ABLIM1: variants seen among roughly 807,000 people sequenced by gnomAD.
The protein encoded by ABLIM1 is actin-binding LIM protein 1.
ABLIM1 carries 40 observed loss-of-function variants against 107.0 expected under a neutral mutation model. The ratio of observed to expected loss-of-function variants is 0.37; its 90% CI spans 0.29 to 0.49. The LOEUF (loss-of-function observed/expected upper bound fraction) is 0.49. Among genes scored for constraint, ABLIM1 ranks in the 20% least tolerant of loss-of-function variants. ABLIM1 has a pLI of 0.97. For synonymous variants in ABLIM1, 357 were observed against 357.3 expected, an observed-to-expected ratio of 1.00 and a Z score of 0.01; for missense variants, 857 against 1,008.5, an observed-to-expected ratio of 0.85 and a Z score of 2.04.
intron 1 of ABLIM1, among the ~76,000 whole-genome samples, chr10:114,733,069 G>A (rs2082109071): frequency 6.6e-6 from 1 of 152,152 alleles, no homozygotes; most frequent in Non-Finnish European, 1.5e-5. Context: ...ATGTTGTGGA[G>A]AGCCATGAGT....
the ABLIM1 span, among the ~76,000 whole-genome samples, chr10:114,792,441 T>A: frequency 2.0e-5 from 3 of 152,222 alleles, no homozygotes; most frequent in African/African-American, 7.2e-5. Context: ...TAGGCCCACT[T>A]AGCAAGATAC....
Position 114,488,009 on chromosome 10 carries a change from G to A in ABLIM1, c.990C>T (p.Thr330=), listed in dbSNP as rs756606860. The change falls in exon 8 of 23, where the codon ACC becomes ACT. Residue 330 remains threonine (T), a synonymous_variant. Coordinates refer to ENST00000533213, the MANE Select transcript of ABLIM1 (RefSeq NM_002313.7). ...EGEEMYLQGS[T]VWHPDCKQST... is the part of the protein sequence containing the mutation. ...ATTGCTTACAGTCGGGATGCCAAAC[G>A]GTGGAGCCTGAGAAGACAGAATGCA... 6.8e-6 allele frequency: 11 copies of A among 1,613,974 alleles called. No homozygotes were observed. Among genetic ancestry groups the A allele is most frequent in the Admixed American group, 5.0e-5 (3 of 60,004 alleles).
chr10:114,544,138 G>C (rs534328138), intron 6 of ABLIM1, among the ~76,000 whole-genome samples: 1 of 152,214 alleles, frequency 6.6e-6, no homozygotes, highest in Non-Finnish European at 1.5e-5. Context: ...ACATGGCTCC[G>C]TGGATTTAGC....
At chr10:114,620,930 C>T (rs1183251740) in intron 1 of ABLIM1, among the ~76,000 whole-genome samples, 2 of 152,160 alleles carry the variant, frequency 1.3e-5, no homozygotes, top group Non-Finnish European at 2.9e-5. Flanking sequence ...ACTCAGGTCA[C>T]CTGCCTGATT....
intron 1 of ABLIM1, among the ~76,000 whole-genome samples, chr10:114,762,479 T>C (rs2082770319): frequency 6.6e-6 from 1 of 152,270 alleles, no homozygotes; most frequent in Non-Finnish European, 1.5e-5. Context: ...TAAAAATCTA[T>C]GTCCCTGACT....
intron 6 of ABLIM1, among the ~76,000 whole-genome samples, chr10:114,536,556 T>C (rs1333150154): frequency 6.6e-6 from 1 of 152,188 alleles, no homozygotes; most frequent in Non-Finnish European, 1.5e-5. Context: ...CCCTGACTTT[T>C]TGTTCACATA....
chr10:114,538,964 C>T (rs1424082937), intron 6 of ABLIM1, among the ~76,000 whole-genome samples: 1 of 152,250 alleles, frequency 6.6e-6, no homozygotes, highest in Non-Finnish European at 1.5e-5. Flanking sequence ...ACACATGGGA[C>T]AAAACCTTTT....
At chr10:114,451,586 T>G (rs182327654) in intron 14 of ABLIM1, 38 bp downstream of exon 14, 1 of 1,581,926 alleles carries the variant, frequency 6.3e-7, no homozygotes, top group Non-Finnish European at 8.7e-7. Context: ...CAGCTGACTT[T>G]GCTATTTAAA....
At chr10:114,764,445 G>A (rs910572372) in intron 1 of ABLIM1, among the ~76,000 whole-genome samples, 4 of 152,114 alleles carry the variant, frequency 2.6e-5, no homozygotes, top group African/African-American at 7.2e-5. Flanking sequence ...CAATATCAGC[G>A]ATTCTCATGC....
upstream of ABLIM1, among the ~76,000 whole-genome samples, chr10:114,768,740 G>C (rs2082965524): frequency 6.6e-6 from 1 of 152,018 alleles, no homozygotes; most frequent in African/African-American, 2.4e-5. Flanking sequence ...CCCAGCACCC[G>C]GTCTTGAGCC....
intron 7 of ABLIM1, among the ~76,000 whole-genome samples, chr10:114,489,153 G>T (rs906203304): frequency 3.3e-5 from 5 of 152,090 alleles, no homozygotes; most frequent in African/African-American, 1.2e-4. Flanking sequence ...AAGTAGCTGG[G>T]GTTACAGGCA....
chr10:114,506,169 C>T (rs2061108437), intron 6 of ABLIM1, among the ~76,000 whole-genome samples: 1 of 152,192 alleles, frequency 6.6e-6, no homozygotes, highest in Admixed American at 6.5e-5. Flanking sequence ...CAGCAGCATC[C>T]ATGTTGTTGC....
intron 19 of ABLIM1, 76 bp downstream of exon 19, chr10:114,440,941 C>T: frequency 1.5e-6 from 2 of 1,357,148 alleles, no homozygotes; most frequent in Non-Finnish European, 2.1e-6. Flanking sequence ...TGAACACAGC[C>T]AGTATACTTG....
chr10:114,761,714 A>C (rs2082750818), intron 1 of ABLIM1, among the ~76,000 whole-genome samples: 1 of 152,032 alleles, frequency 6.6e-6, no homozygotes, highest in Non-Finnish European at 1.5e-5. Context: ...AACTCCACTG[A>C]GATCTGGTTC....
At chr10:114,671,438 T>A (rs1473915975) in intron 1 of ABLIM1, among the ~76,000 whole-genome samples, 2 of 152,240 alleles carry the variant, frequency 1.3e-5, no homozygotes, top group Non-Finnish European at 2.9e-5. Flanking sequence ...ATGCTATAGA[T>A]GTATAGTGTA....
chr10:114,797,874 T>C, the ABLIM1 span, among the ~76,000 whole-genome samples: 190 of 152,354 alleles, frequency 1.2e-3, no homozygotes, highest in African/African-American at 4.5e-3. Context: ...CCTGGTATTA[T>C]GAAGTTATCT....
At chr10:114,722,577 C>A (rs2081872019) in intron 1 of ABLIM1, among the ~76,000 whole-genome samples, 1 of 152,250 alleles carries the variant, frequency 6.6e-6, no homozygotes, top group Non-Finnish European at 1.5e-5. Flanking sequence ...GTTTCCATTT[C>A]ATATTTACAT....
chr10:114,696,926 T>C (rs999527937), intron 1 of ABLIM1, among the ~76,000 whole-genome samples: 7 of 152,150 alleles, frequency 4.6e-5, no homozygotes, highest in Non-Finnish European at 7.3e-5. Context: ...GGCTGCAACA[T>C]AGAAATTTGG....
intron 6 of ABLIM1, among the ~76,000 whole-genome samples, chr10:114,503,147 G>T (rs2060652588): frequency 6.6e-6 from 1 of 152,104 alleles, no homozygotes; most frequent in Admixed American, 6.6e-5. Flanking sequence ...ATGGGCATTT[G>T]GGTAACTTAA....
Sources: gnomAD v4.1 joint callset for allele counts (sites outside exome capture counted in the v4.1 genomes callset) on GRCh38, gnomAD v4.1.1 for gene constraint, MANE v1.5 for transcripts, NCBI Gene and HGNC (gene_info 2026-07-23, HGNC 2026-07-21) for gene names.